Variants in ZNF568 observed in about 807,000 individuals in gnomAD.
ZNF568 encodes p53 inhibitor of SCO2 activation.
ZNF568 carries 11 observed loss-of-function variants against 18.1 expected under a neutral mutation model. The ratio of observed to expected loss-of-function variants is 0.61; its 90% CI spans 0.38 to 1.00. The LOEUF (loss-of-function observed/expected upper bound fraction) is 1.00. Ranked by LOEUF, ZNF568 falls within the 50% of genes least tolerant of loss-of-function variation. The probability of loss-of-function intolerance (pLI) is 0.01; values close to 1 mark genes in which losing one functional copy is unlikely to be tolerated. For synonymous variants in ZNF568, 213 were observed against 246.6 expected (o/e 0.86, Z 1.28); for missense variants, 639 against 768.2 (o/e 0.83, Z 1.99).
chr19:36,997,163 C>T (rs1374011387), exon 5 of ZNF568: 3 of 1,589,532 alleles, frequency 1.9e-6, no homozygotes, highest in East Asian at 4.6e-5. Flanking sequence ...TACAGTTGTG[C>T]CTCACAGCTG....
At chr19:36,980,289 G>A (rs919975361), downstream of ZNF568, 7 of 152,026 alleles carry the variant, frequency 4.6e-5, no homozygotes, top group Admixed American at 3.9e-4. Context: ...TAAGAGTAAA[G>A]ATATTATCCC....
intron 7 of ZNF568, chr19:36,978,982 C>G (rs554648895): frequency 4.0e-6 from 1 of 247,372 alleles, no homozygotes; most frequent in African/African-American, 2.8e-5. Context: ...TTGTAACTAT[C>G]TTTTTTTTTT....
At chr19:36,995,755 T>C (rs1018885680) in intron 4 of ZNF568, among the ~76,000 whole-genome samples, 4 of 152,234 alleles carry the variant, frequency 2.6e-5, no homozygotes, top group African/African-American at 9.6e-5. Flanking sequence ...CATTTCAACT[T>C]AAAACAATCT....
chr19:36,917,040 G>C (rs2073350337), intron 1 of ZNF568, among the ~76,000 whole-genome samples: 1 of 152,034 alleles, frequency 6.6e-6, no homozygotes, highest in Admixed American at 6.6e-5. Flanking sequence ...ATGTATGTTA[G>C]TTAGCTATTG....
exon 4 of ZNF568, chr19:36,991,798 A>G: frequency 6.3e-7 from 1 of 1,581,868 alleles, no homozygotes; most frequent in Non-Finnish European, 8.5e-7. Flanking sequence ...GGAGCAGAAG[A>G]AAGAGCCCTG....
chr19:36,923,668 G>A (rs2073496926), intron 3 of ZNF568, among the ~76,000 whole-genome samples: 1 of 151,660 alleles, frequency 6.6e-6, no homozygotes, highest in Non-Finnish European at 1.5e-5. Context: ...TGTTGCCAAT[G>A]TGAGGGAAAT....
At chr19:36,974,093 A>C (rs2074260516) in intron 6 of ZNF568, among the ~76,000 whole-genome samples, 1 of 152,192 alleles carries the variant, frequency 6.6e-6, no homozygotes, top group Non-Finnish European at 1.5e-5. Flanking sequence ...AAAGGACAGC[A>C]GTTTGAGACC....
chr19:36,941,028 T>C (rs1197155395), intron 6 of ZNF568, among the ~76,000 whole-genome samples: 1 of 152,202 alleles, frequency 6.6e-6, no homozygotes, highest in Non-Finnish European at 1.5e-5. Context: ...TTGCTGTCTT[T>C]TATTTTTAAA....
intron 2 of ZNF568, among the ~76,000 whole-genome samples, chr19:36,918,337 C>G (rs1019537621): frequency 6.6e-6 from 1 of 152,120 alleles, no homozygotes; most frequent in African/African-American, 2.4e-5. Flanking sequence ...TTCAAGACCC[C>G]CCATGGATAC....
At chr19:36,929,862 A>G (rs1393945551) in intron 4 of ZNF568, among the ~76,000 whole-genome samples, 1 of 151,468 alleles carries the variant, frequency 6.6e-6, no homozygotes, top group African/African-American at 2.4e-5. Flanking sequence ...GAAAAAAAAA[A>G]GTGAAGGAGA....
chr19:36,968,230 G>A (rs1361434247), intron 6 of ZNF568, among the ~76,000 whole-genome samples: 1 of 151,336 alleles, frequency 6.6e-6, no homozygotes, highest in Non-Finnish European at 1.5e-5. Flanking sequence ...AAATTTATAT[G>A]AGAGTAACAC....
At chr19:36,926,052 T>C (rs2073548204) in intron 4 of ZNF568, among the ~76,000 whole-genome samples, 2 of 152,202 alleles carry the variant, frequency 1.3e-5, no homozygotes, top group African/African-American at 4.8e-5. Context: ...GTGGAACACA[T>C]ATCTTTCAAA....
chr19:36,982,867 C>A (rs1568406689), downstream of ZNF568, among the ~76,000 whole-genome samples: 1 of 152,142 alleles, frequency 6.6e-6, no homozygotes, highest in Non-Finnish European at 1.5e-5. Flanking sequence ...TTACTGGATT[C>A]AGTTTGCTAA....
chr19:36,950,286 C>T lies in ZNF568; in HGVS notation c.1133C>T (p.Thr378Met), dbSNP rs753038438. The change falls in exon 7 of 7, where the codon ACG becomes ATG. Residue 378 changes from threonine to methionine, a missense_variant. Coordinates refer to ENST00000333987, the MANE Select transcript of ZNF568 (RefSeq NM_198539.4). Reference sequence around the variant, plus strand: ...GCTTTTTCTCGAATGTCATCTGTTACGCTACATATGAGAAGTCACACAGGG... The same window carrying T: ...GCTTTTTCTCGAATGTCATCTGTTATGCTACATATGAGAAGTCACACAGGG... ...GRAFSRMSSV[T>M]LHMRSHTGEK... is the part of the protein sequence containing the mutation. 3.3e-5 allele frequency: 54 copies of T among 1,613,700 alleles called. No individual in the cohort carries two copies. The highest frequency in any genetic ancestry group is 2.2e-4 in the South Asian group (20 of 91,074).
chr19:36,946,316 C>T (rs1218995018), intron 6 of ZNF568, among the ~76,000 whole-genome samples: 1 of 152,022 alleles, frequency 6.6e-6, no homozygotes, highest in African/African-American at 2.4e-5. Context: ...AATATAGATA[C>T]ATCACAATTT....
At position 36,926,976 on chromosome 19, in the gene ZNF568, C is replaced by A. The variant is rs1284257118; in HGVS notation, c.135+1718C>A. The stretch of plus-strand genomic sequence containing the variant: ...CATTATGAGTGAAGAAATACAAAAG[C>A]CAATTACCCATTCATATTGTTTGTC... On this transcript the variant is annotated intron_variant, in intron 4 of 6. Transcript: ENST00000333987. Among the ~76,000 whole-genome samples, 5 of 152,060 alleles carry A rather than the reference C, an allele frequency of 3.3e-5. No homozygotes were observed. In the South Asian group the frequency reaches 1.0e-3, roughly 32 times the overall value.
chr19:36,950,436 C>G lies in ZNF568; in HGVS notation c.1283C>G (p.Ser428Cys), dbSNP rs2074040103. ...YVCSECGKAF[S>C]QSSSLTVHMR... is the part of the protein sequence containing the mutation. ...TGTAGTGAATGTGGGAAAGCCTTCTCTCAGAGTTCATCCCTAACCGTACAT... is the reference window on the plus strand; with the variant it reads ...TGTAGTGAATGTGGGAAAGCCTTCTGTCAGAGTTCATCCCTAACCGTACAT... The change falls in exon 7 of 7, where the codon TCT (serine) becomes TGT (cysteine). Residue 428 changes from serine (S) to cysteine (C), a missense_variant. Physicochemically the swap from Ser to Cys is moderately radical, Grantham distance 112. Transcript: ENST00000333987. 6.2e-7 allele frequency: 1 copy of G among 1,612,826 alleles called. No individual in the cohort carries two copies. Among genetic ancestry groups the G allele is most frequent in the South Asian group, 1.1e-5 (1 of 91,006 alleles).
rs756698334 is a variant in ZNF568, at chr19:36,950,281, T to C, written c.1128T>C (p.Ser376=). ...GTAGAGCTTTTTCTCGAATGTCATCTGTTACGCTACATATGAGAAGTCACA... is the reference window on the plus strand; with the variant it reads ...GTAGAGCTTTTTCTCGAATGTCATCCGTTACGCTACATATGAGAAGTCACA... ...ECGRAFSRMS[S]VTLHMRSHTG... Residue 376 remains serine (S), a synonymous_variant, in exon 7 of 7, where the codon TCT becomes TCC. Transcript: ENST00000333987. 4 of 1,614,054 alleles carry C rather than the reference T, an allele frequency of 2.5e-6. No homozygotes were observed. Among genetic ancestry groups the C allele is most frequent in the Non-Finnish European group, 3.4e-6 (4 of 1,179,992 alleles).
At position 36,921,460 on chromosome 19, in the gene ZNF568, C is replaced by CA. The variant is rs909359163; in HGVS notation, c.-185-1114dup. ...TGGGCAACAAGAGCGAAACTCCATC[C>CA]AAAAAAAAAAAAGAAAGAAAGTGAT... On this transcript the variant is annotated intron_variant, in intron 2 of 6. Transcript: ENST00000333987. Among the ~76,000 whole-genome samples the CA allele has an allele frequency of 1.9e-3, 234 of 123,834 alleles. 1 individual carries two copies. Among genetic ancestry groups the CA allele is most frequent in the African/African-American group, 5.1e-3 (170 of 33,486 alleles). The allele number at this position is 123,834 out of a possible 152,430, so 81.2% of individuals were successfully genotyped here. A position where few individuals can be genotyped will look rare whatever the true frequency, so the allele number is the denominator to read the frequency against.
Sources: allele counts gnomAD v4.1 joint callset (sites outside exome capture counted in the v4.1 genomes callset), GRCh38; gene constraint gnomAD v4.1.1; transcripts MANE v1.5; gene names NCBI Gene and HGNC (gene_info 2026-07-23, HGNC 2026-07-21).